ANKFN1: variants seen among roughly 807,000 people sequenced by gnomAD.
ANKFN1 encodes ankyrin repeat and fibronectin type-III domain-containing protein 1.
In ANKFN1, 74 loss-of-function variants were observed where a neutral mutation model predicts 108.7. The ratio of observed to expected loss-of-function variants is 0.68; its 90% CI spans 0.56 to 0.83. ANKFN1 has a LOEUF of 0.83. Ranked by LOEUF, ANKFN1 falls within the 40% of genes least tolerant of loss-of-function variation. The pLI is 0.00. For missense variants in ANKFN1, 1,505 were observed against 1,382.3 expected, an observed-to-expected ratio of 1.09 and a Z score of -1.41; for synonymous variants, 547 against 516.2, an observed-to-expected ratio of 1.06 and a Z score of -0.81.
intron 1 of ANKFN1, among the ~76,000 whole-genome samples, chr17:56,207,655 G>A (rs1914646607): frequency 6.6e-6 from 1 of 152,142 alleles, no homozygotes; most frequent in South Asian, 2.1e-4. Flanking sequence ...AAACTCAGCT[G>A]TTTGTAAAGG....
chr17:56,370,176 G>A (rs2046771804), intron 6 of ANKFN1, among the ~76,000 whole-genome samples: 1 of 152,118 alleles, frequency 6.6e-6, no homozygotes, highest in Non-Finnish European at 1.5e-5. Flanking sequence ...TAATCTTGCA[G>A]AGCTCACCCA....
chr17:56,410,146 C>A (rs565303559), intron 8 of ANKFN1, among the ~76,000 whole-genome samples: 1 of 152,046 alleles, frequency 6.6e-6, no homozygotes, highest in Admixed American at 6.6e-5. Flanking sequence ...AGTGCAGTGG[C>A]GCTATCTCGG....
chr17:56,300,914 A>G (rs1394624853), intron 3 of ANKFN1, among the ~76,000 whole-genome samples: 1 of 152,236 alleles, frequency 6.6e-6, no homozygotes, highest in Non-Finnish European at 1.5e-5. Flanking sequence ...GAAGTTCAGC[A>G]TTAGAAACTC....
chr17:56,320,189 A>C (rs2045322703), intron 3 of ANKFN1, among the ~76,000 whole-genome samples: 1 of 152,220 alleles, frequency 6.6e-6, no homozygotes, highest in Non-Finnish European at 1.5e-5. Flanking sequence ...CCACTGAGCT[A>C]TTAAAAGTAA....
In ANKFN1 at chr17:56,515,172, A is replaced by G. The variant is rs2051883817; in HGVS notation, c.*3903A>G. Among the ~76,000 whole-genome samples, 1 of 151,998 alleles carries G rather than the reference A, an allele frequency of 6.6e-6. No homozygotes were observed. Among genetic ancestry groups the G allele is most frequent in the Non-Finnish European group, 1.5e-5 (1 of 67,950 alleles). ...TTCACTGGCTTCTGAAAATGTACACATGTTAGGAAGGTGATGACATTTTTC... is the reference window on the plus strand; with the variant it reads ...TTCACTGGCTTCTGAAAATGTACACGTGTTAGGAAGGTGATGACATTTTTC... On this transcript the variant is annotated 3_prime_UTR_variant, in exon 21 of 21. Coordinates refer to ENST00000682825, the MANE Select transcript of ANKFN1 (RefSeq NM_001370326.1).
intron 2 of ANKFN1, among the ~76,000 whole-genome samples, chr17:56,222,599 C>T (rs937948676): frequency 1.3e-5 from 2 of 151,968 alleles, no homozygotes; most frequent in Non-Finnish European, 2.9e-5. Flanking sequence ...AAGGAATGAT[C>T]GGAGAAAAAG....
intron 1 of ANKFN1, chr17:56,156,400 T>A (rs1353019118): frequency 6.6e-6 from 1 of 152,160 alleles, no homozygotes; most frequent in Non-Finnish European, 1.5e-5. Flanking sequence ...TTTCCTCACC[T>A]CTTAAAGAGG....
chr17:56,424,680 G>A (rs1276864975), intron 8 of ANKFN1, among the ~76,000 whole-genome samples: 3 of 152,174 alleles, frequency 2.0e-5, no homozygotes, highest in African/African-American at 7.2e-5. Flanking sequence ...GTCTGCTTTT[G>A]CCTGACGGAG....
At chr17:56,239,449 T>A (rs1917417421) in intron 3 of ANKFN1, among the ~76,000 whole-genome samples, 1 of 152,176 alleles carries the variant, frequency 6.6e-6, no homozygotes, top group African/African-American at 2.4e-5. Context: ...TACCCTGATG[T>A]GATCATTACA....
At chr17:56,256,598 T>C (rs2043363304) in intron 3 of ANKFN1, among the ~76,000 whole-genome samples, 1 of 152,226 alleles carries the variant, frequency 6.6e-6, no homozygotes, top group Admixed American at 6.5e-5. Flanking sequence ...TTAGGTCACA[T>C]GCAATGATTA....
intron 8 of ANKFN1, among the ~76,000 whole-genome samples, chr17:56,439,862 T>C (rs915725042): frequency 6.6e-6 from 1 of 152,110 alleles, no homozygotes; most frequent in African/African-American, 2.4e-5. Context: ...TCAAATGCAG[T>C]AAATAAGTTA....
chr17:56,408,164 A>C lies in ANKFN1; in HGVS notation c.911-32163A>C, dbSNP rs571750463. 1.1e-4 allele frequency among the ~76,000 whole-genome samples: 17 copies of C among 152,062 alleles called. 1 individual carries two copies. Among genetic ancestry groups the C allele is most frequent in the Admixed American group, 1.1e-3 (17 of 15,274 alleles). Reference sequence around the variant, plus strand: ...TGGCCAGGTTGGTCTTGAATTCCCAACCTCAGGGGATCTGCCCACCTCGGC... The same window carrying C: ...TGGCCAGGTTGGTCTTGAATTCCCACCCTCAGGGGATCTGCCCACCTCGGC... On this transcript the variant is annotated intron_variant, in intron 8 of 20. Coordinates refer to ENST00000682825, the MANE Select transcript of ANKFN1 (RefSeq NM_001370326.1).
chr17:56,107,168 A>G (rs1319212747), intron 4 of ANKFN1, among the ~76,000 whole-genome samples: 1 of 152,142 alleles, frequency 6.6e-6, no homozygotes, highest in Non-Finnish European at 1.5e-5. Flanking sequence ...AGTTGCTGAA[A>G]GAACCCAGGA....
chr17:56,049,853 C>G (rs540169872), intron 4 of ANKFN1, among the ~76,000 whole-genome samples: 3 of 150,420 alleles, frequency 2.0e-5, no homozygotes, highest in South Asian at 2.1e-4. Context: ...AATAAACATA[C>G]GTGTGCATGT....
At chr17:56,177,719 G>A (rs934758579) in intron 1 of ANKFN1, among the ~76,000 whole-genome samples, 6 of 152,190 alleles carry the variant, frequency 3.9e-5, no homozygotes, top group Admixed American at 3.3e-4. Context: ...ATAAAGATGT[G>A]AAAATATTAT....
chr17:56,175,250 A>G (rs901547901), intron 1 of ANKFN1, among the ~76,000 whole-genome samples: 4 of 152,224 alleles, frequency 2.6e-5, no homozygotes, highest in African/African-American at 7.2e-5. Context: ...ATGACAGGGT[A>G]GGAATTTTGA....
intron 3 of ANKFN1, among the ~76,000 whole-genome samples, chr17:56,248,027 A>T (rs1441506762): frequency 6.6e-6 from 1 of 152,220 alleles, no homozygotes; most frequent in Non-Finnish European, 1.5e-5. Context: ...GAAGAAAATG[A>T]TGCAATTTAC....
chr17:56,337,925 A>G (rs979051597), intron 4 of ANKFN1, among the ~76,000 whole-genome samples: 4 of 152,278 alleles, frequency 2.6e-5, no homozygotes, highest in African/African-American at 9.6e-5. Flanking sequence ...AACTAGAAAT[A>G]CCATTTGACC....
intron 8 of ANKFN1, among the ~76,000 whole-genome samples, chr17:56,429,908 T>C (rs1223025091): frequency 3.9e-5 from 6 of 152,082 alleles, no homozygotes; most frequent in Admixed American, 3.9e-4. Flanking sequence ...GAGTTGAAAA[T>C]GCATGCACGT....
Sources: gnomAD v4.1 joint callset for allele counts (sites outside exome capture counted in the v4.1 genomes callset) on GRCh38, gnomAD v4.1.1 for gene constraint, MANE v1.5 for transcripts, NCBI Gene and HGNC (gene_info 2026-07-23, HGNC 2026-07-21) for gene names.